PDLIM5: variants seen among roughly 807,000 people sequenced by gnomAD.
PDLIM5 encodes the protein PDZ and LIM domain protein 5.
Under a neutral mutation model 64.2 loss-of-function variants are expected in PDLIM5, and 34 were observed. That is an observed-to-expected ratio of 0.53 (90% CI 0.40 to 0.71). PDLIM5 has a LOEUF of 0.71. PDLIM5 is among the 30% of genes least tolerant of loss of function. The pLI is 0.00. For missense variants in PDLIM5, 683 were observed against 733.6 expected, an observed-to-expected ratio of 0.93 and a Z score of 0.80; for synonymous variants, 253 against 269.1, an observed-to-expected ratio of 0.94 and a Z score of 0.59.
chr4:94,662,182 G>A (rs993701074), intron 11 of PDLIM5, among the ~76,000 whole-genome samples: 6 of 152,026 alleles, frequency 3.9e-5, no homozygotes, highest in Non-Finnish European at 7.4e-5. Flanking sequence ...AGTATTACAT[G>A]GAAAATTATA....
At chr4:94,500,179 G>T (rs1470547462) in intron 2 of PDLIM5, among the ~76,000 whole-genome samples, 2 of 152,144 alleles carry the variant, frequency 1.3e-5, no homozygotes, top group Non-Finnish European at 2.9e-5. Context: ...CTTGTACATA[G>T]TAGAGAATCT....
At position 94,620,775 on chromosome 4, in the gene PDLIM5, T is replaced by C. The variant is rs1739158075; in HGVS notation, c.1108+2584T>C. On this transcript the variant is annotated intron_variant, in intron 8 of 12. Coordinates refer to ENST00000317968, the MANE Select transcript of PDLIM5 (RefSeq NM_006457.5). ...ACTAATTTTGCTAAGAAGCTAGAAG[T>C]GGCTGGGCACAGTGACTCACGCCTA... Among the ~76,000 whole-genome samples the C allele has an allele frequency of 2.6e-5, 4 of 151,996 alleles. No homozygotes were observed. The South Asian group carries it at 8.3e-4, about 32-fold the overall frequency.
At chr4:94,662,639 A>C in intron 12 of PDLIM5, 102 bp downstream of exon 12, 1 of 512,046 alleles carries the variant, frequency 2.0e-6, no homozygotes, top group Non-Finnish European at 3.6e-6. Flanking sequence ...AGTCCTTCAA[A>C]CCTAAGGAAA....
chr4:94,484,441 C>T (rs1220915056), intron 2 of PDLIM5, among the ~76,000 whole-genome samples: 1 of 152,080 alleles, frequency 6.6e-6, no homozygotes, highest in Non-Finnish European at 1.5e-5. Context: ...ATTTACTTTG[C>T]GTGGATCACT....
At chr4:94,659,767 A>G (rs1742528161) in intron 11 of PDLIM5, among the ~76,000 whole-genome samples, 1 of 150,958 alleles carries the variant, frequency 6.6e-6, no homozygotes, top group African/African-American at 2.4e-5. Context: ...TGACCTCGTG[A>G]TCCGTCCACC....
chr4:94,664,072 C>A lies in PDLIM5; in HGVS notation c.*5C>A. On this transcript the variant is annotated 3_prime_UTR_variant, in exon 13 of 13. Transcript: ENST00000317968. Reference sequence around the variant, plus strand: ...GCTCATTCTGTGAATTTTTGAAAGTCAACAGTTCAGGAGAAGAGAAGGAAT... The same window carrying A: ...GCTCATTCTGTGAATTTTTGAAAGTAAACAGTTCAGGAGAAGAGAAGGAAT... The A allele has an allele frequency of 6.3e-7, 1 of 1,587,764 alleles. No homozygotes were observed. The highest frequency in any genetic ancestry group is 1.2e-5 in the South Asian group (1 of 86,944).
chr4:94,618,288 A>G, intron 8 of PDLIM5, 97 bp downstream of exon 8: 1 of 715,540 alleles, frequency 1.4e-6, no homozygotes, highest in South Asian at 2.5e-5. Flanking sequence ...GGTAAAACCC[A>G]TTCTCAATAA....
chr4:94,511,293 A>G (rs1728847916), intron 2 of PDLIM5, among the ~76,000 whole-genome samples: 2 of 152,176 alleles, frequency 1.3e-5, no homozygotes, highest in South Asian at 2.1e-4. Flanking sequence ...CAGAAATTTT[A>G]GTGTGCATAC....
At chr4:94,548,873 A>G (rs1242323895) in intron 3 of PDLIM5, among the ~76,000 whole-genome samples, 2 of 151,896 alleles carry the variant, frequency 1.3e-5, no homozygotes, top group African/African-American at 2.4e-5. Context: ...TTTCTTCCTT[A>G]TATGTATAAA....
chr4:94,575,584 G>A (rs1376489260), intron 4 of PDLIM5, 32 bp from the exon 5 acceptor site: 1 of 1,436,404 alleles, frequency 7.0e-7, no homozygotes, highest in African/African-American at 1.4e-5. Context: ...GTTTGGTGTG[G>A]TTTTGTGTAT....
intron 2 of PDLIM5, among the ~76,000 whole-genome samples, chr4:94,509,960 A>G (rs148837214): frequency 1.3e-4 from 20 of 152,252 alleles, no homozygotes; most frequent in Non-Finnish European, 2.4e-4. Context: ...GTATCCTTCA[A>G]TCCAATCAAG....
chr4:94,585,059 T>G, intron 5 of PDLIM5: 1 of 898,086 alleles, frequency 1.1e-6, no homozygotes, highest in Non-Finnish European at 1.7e-6. Context: ...ACATTATAAG[T>G]GCAGTTTTTT....
At chr4:94,480,183 A>G (rs1437226405) in intron 2 of PDLIM5, among the ~76,000 whole-genome samples, 1 of 152,240 alleles carries the variant, frequency 6.6e-6, no homozygotes, top group Non-Finnish European at 1.5e-5. Context: ...GTAATTCTAG[A>G]TCATGAGTAA....
intron 2 of PDLIM5, among the ~76,000 whole-genome samples, chr4:94,506,049 A>G (rs1318986322): frequency 6.6e-6 from 1 of 152,180 alleles, no homozygotes; most frequent in Non-Finnish European, 1.5e-5. Flanking sequence ...CCCAGCCACT[A>G]TCATCTCATT....
At chr4:94,579,367 G>T in intron 5 of PDLIM5, 1 of 406,864 alleles carries the variant, frequency 2.5e-6, no homozygotes, top group Non-Finnish European at 4.6e-6. Context: ...CTGCTTTCAA[G>T]AGGTAAGTCT....
chr4:94,505,635 A>G (rs1392685047), intron 2 of PDLIM5, among the ~76,000 whole-genome samples: 1 of 152,130 alleles, frequency 6.6e-6, no homozygotes, highest in East Asian at 1.9e-4. Context: ...GGTTCAATTA[A>G]TTTTCTAGAG....
intron 3 of PDLIM5, among the ~76,000 whole-genome samples, chr4:94,531,406 T>C (rs1338799961): frequency 6.6e-6 from 1 of 152,082 alleles, no homozygotes; most frequent in Non-Finnish European, 1.5e-5. Context: ...CTATTTCAGG[T>C]GAATATATAA....
chr4:94,658,455 A>C (rs1742392545), intron 11 of PDLIM5, among the ~76,000 whole-genome samples: 1 of 152,232 alleles, frequency 6.6e-6, no homozygotes, highest in Non-Finnish European at 1.5e-5. Context: ...CCTTACTTAG[A>C]TATTACTACC....
At chr4:94,494,460 A>T (rs1339001692) in intron 2 of PDLIM5, among the ~76,000 whole-genome samples, 1 of 29,338 alleles carries the variant, frequency 3.4e-5, no homozygotes. Flanking sequence ...TTTTTTTGAG[A>T]CGGAATTTCA....
Sources: gnomAD v4.1 joint callset for allele counts (sites outside exome capture counted in the v4.1 genomes callset) on GRCh38, gnomAD v4.1.1 for gene constraint, MANE v1.5 for transcripts, NCBI Gene and HGNC (gene_info 2026-07-23, HGNC 2026-07-21) for gene names.